Variants in CCDC59 observed in about 807,000 individuals in gnomAD.
The protein encoded by CCDC59 is coiled-coil domain containing 59.
A neutral mutation model predicts 30.5 loss-of-function variants in CCDC59; 27 were observed. That is an observed-to-expected ratio of 0.89 (90% CI 0.65 to 1.22). CCDC59 has a LOEUF of 1.22. Ranked by LOEUF, CCDC59 falls within the 50% of genes most tolerant of loss-of-function variation. The pLI is 0.00. For missense variants in CCDC59, 362 were observed against 284.4 expected (o/e 1.27, Z -1.96); for synonymous variants, 125 against 100.9 (o/e 1.24, Z -1.43).
chr12:82,356,932 A>C (rs1355544015), intron 2 of CCDC59, 28 bp downstream of exon 2: 2 of 1,541,970 alleles, frequency 1.3e-6, no homozygotes, highest in Admixed American at 3.5e-5. Context: ...ACAACACTTA[A>C]AGGATTTCAA....
intron 1 of CCDC59, among the ~76,000 whole-genome samples, chr12:82,357,859 TAAGG>T (rs937892645): frequency 6.5e-4 from 99 of 152,190 alleles, no homozygotes; most frequent in African/African-American, 2.3e-3. Flanking sequence ...GTATTTGTAA[TAAGG>T]AAGAATTCGG....
At chr12:82,356,862 T>A (rs555201322) in intron 2 of CCDC59, 98 bp downstream of exon 2, 1 of 989,398 alleles carries the variant, frequency 1.0e-6, no homozygotes, top group South Asian at 2.1e-5. Context: ...CTAAAATGTG[T>A]TAAATAAGAA....
Position 82,353,558 on chromosome 12 carries a change from G to A in CCDC59, c.565-246C>T, listed in dbSNP as rs1419560336. Among the ~76,000 whole-genome samples the A allele has an allele frequency of 2.6e-5, 4 of 151,990 alleles. No homozygotes were observed. The East Asian group carries it at 7.7e-4, about 29-fold the overall frequency. ...GCTCTATATAAACAAAATTTTAAAAGGACATTAAATGTTTTACAGCATAAT... is the reference window on the plus strand; with the variant it reads ...GCTCTATATAAACAAAATTTTAAAAAGACATTAAATGTTTTACAGCATAAT... On this transcript the variant is annotated intron_variant, in intron 3 of 3. Transcript: ENST00000256151.
intron 3 of CCDC59, among the ~76,000 whole-genome samples, chr12:82,354,018 TTG>T (rs1173531148): frequency 9.6e-5 from 4 of 41,568 alleles, no homozygotes; most frequent in East Asian, 6.9e-3. Context: ...AAAATAATAG[TTG>T]TTTTTTTTTT....
rs769263988 is a variant in CCDC59, at chr12:82,357,281, AAT to A, written c.155-14_155-13del. 28 of 1,473,026 alleles carry A rather than the reference AAT, an allele frequency of 1.9e-5. No homozygotes were observed. The highest frequency in any genetic ancestry group is 2.4e-5 in the Non-Finnish European group (27 of 1,109,832). The allele number at this position is 1,473,026 out of a possible 1,614,324, so 91.2% of individuals were successfully genotyped here. A position where few individuals can be genotyped will look rare whatever the true frequency, so the allele number is the denominator to read the frequency against. ...AGCAAAGCCTTGTCCTACATTGAGGAATATCATCCAAAATTACTTTCAGAGAA... is the reference window on the plus strand; with the variant it reads ...AGCAAAGCCTTGTCCTACATTGAGGAATCATCCAAAATTACTTTCAGAGAA... On this transcript the variant is annotated splice_polypyrimidine_tract_variant and intron_variant, in intron 1 of 3. Transcript: ENST00000256151.
intron 1 of CCDC59, 102 bp downstream of exon 1, chr12:82,358,121 G>A: frequency 1.5e-6 from 2 of 1,352,656 alleles, no homozygotes; most frequent in East Asian, 2.4e-5. Flanking sequence ...CCCCAAGTAG[G>A]ACCGGGTCTG....
upstream of CCDC59, chr12:82,358,490 T>C: frequency 6.3e-7 from 1 of 1,596,346 alleles, no homozygotes; most frequent in Non-Finnish European, 8.5e-7. Context: ...CTACTGAGCC[T>C]GCCTGTGCTA....
rs1164486305 is a variant in CCDC59, at chr12:82,356,902, T to C, written c.464+58A>G. The C allele has an allele frequency of 3.1e-6, 4 of 1,306,800 alleles. No homozygotes were observed. In the African/African-American group the frequency reaches 4.5e-5, roughly 15 times the overall value. The allele number at this position is 1,306,800 out of a possible 1,614,324, so 81.0% of individuals were successfully genotyped here. A position where few individuals can be genotyped will look rare whatever the true frequency, so the allele number is the denominator to read the frequency against. On this transcript the variant is annotated intron_variant, in intron 2 of 3. Transcript: ENST00000256151. The stretch of plus-strand genomic sequence containing the variant: ...TACAATTCCTATATAAATTATCCTA[T>C]AGTACTTTTAAATAATAAAACAACA...
At chr12:82,356,340 T>C (rs772545793) in intron 2 of CCDC59, among the ~76,000 whole-genome samples, 10 of 152,220 alleles carry the variant, frequency 6.6e-5, no homozygotes, top group Non-Finnish European at 1.2e-4. Context: ...TTAATAGTAG[T>C]AGCTAACGCT....
chr12:82,357,355 T>C lies in CCDC59; in HGVS notation c.155-86A>G, dbSNP rs1045562461. ...AGCTGTTAATTACAAATGAAAACTTTTTTTACGTCATCACATTCAGATTCT... is the reference window on the plus strand; with the variant it reads ...AGCTGTTAATTACAAATGAAAACTTCTTTTACGTCATCACATTCAGATTCT... On this transcript the variant is annotated intron_variant, in intron 1 of 3. Coordinates refer to ENST00000256151, the MANE Select transcript of CCDC59 (RefSeq NM_014167.5). 9.8e-5 allele frequency: 107 copies of C among 1,092,694 alleles called. No homozygotes were observed. In the African/African-American group the frequency reaches 1.0e-3, roughly 11 times the overall value. 67.7% of individuals were successfully genotyped at this position (1,092,694 alleles called of 1,614,324 possible). A position where few individuals can be genotyped will look rare whatever the true frequency, so the allele number is the denominator to read the frequency against.
chr12:82,358,459 G>A (rs1438969528), upstream of CCDC59: 4 of 1,602,804 alleles, frequency 2.5e-6, no homozygotes, highest in Admixed American at 1.7e-5. Context: ...CAATCGCTCA[G>A]AAGGAATCCG....
At chr12:82,354,771 A>T (rs910246971) in intron 2 of CCDC59, 177 bp from the exon 3 acceptor site, 11 of 329,966 alleles carry the variant, frequency 3.3e-5, no homozygotes, top group African/African-American at 1.1e-4. Context: ...CTAAAATGTT[A>T]AAAAAAAAAA....
At chr12:82,356,919 A>T in intron 2 of CCDC59, 41 bp downstream of exon 2, 2 of 1,463,120 alleles carry the variant, frequency 1.4e-6, no homozygotes, top group Non-Finnish European at 1.9e-6. Flanking sequence ...TTTAAATAAT[A>T]AAACAACACT....
chr12:82,353,128 T>C lies in CCDC59; in HGVS notation c.*23A>G. ...GAAGAACCTAATAGGCAGCAGATAT[T>C]TTAACCTGTAGGAACAAAATGTTTA... On this transcript the variant is annotated 3_prime_UTR_variant, in exon 4 of 4. Coordinates refer to ENST00000256151, the MANE Select transcript of CCDC59 (RefSeq NM_014167.5). 7.0e-6 allele frequency: 11 copies of C among 1,577,458 alleles called. No homozygotes were observed. Among genetic ancestry groups the C allele is most frequent in the Non-Finnish European group, 9.4e-6 (11 of 1,164,920 alleles).
chr12:82,353,866 G>A (rs1021941955), intron 3 of CCDC59, among the ~76,000 whole-genome samples: 1 of 151,988 alleles, frequency 6.6e-6, no homozygotes, highest in African/African-American at 2.4e-5. Flanking sequence ...AAACTTCAAT[G>A]GAAAAACAAG....
At chr12:82,356,181 C>G (rs1439531012) in intron 2 of CCDC59, 1 of 152,172 alleles carries the variant, frequency 6.6e-6, no homozygotes, top group African/African-American at 2.4e-5. Context: ...TAATACCCAG[C>G]TTCTTGCAAT....
chr12:82,355,593 G>C (rs1410329228), intron 2 of CCDC59: 1 of 152,166 alleles, frequency 6.6e-6, no homozygotes, highest in Non-Finnish European at 1.5e-5. Context: ...ATTTAAGATG[G>C]AAAAGGCATT....
At position 82,358,269 on chromosome 12, in the gene CCDC59, T is replaced by G. The variant is rs1881217395; in HGVS notation, c.108A>C (p.Thr36=). 1.9e-6 allele frequency: 3 copies of G among 1,614,074 alleles called. No individual in the cohort carries two copies. The highest frequency in any genetic ancestry group is 1.7e-5 in the Admixed American group (1 of 60,008). Residue 36 remains threonine, a synonymous_variant, in exon 1 of 4, where the codon ACA becomes ACC. Transcript: ENST00000256151. ...AGGCTTGCGGGTGGTTAGGCCGCCA[T>G]GTCTTCTGTCTCACATTCTTATTCC... The part of the protein sequence containing the change: ...GYRNKNVRQK[T]WRPNHPQAFV...
chr12:82,358,125 G>A (rs61934260), intron 1 of CCDC59, 98 bp downstream of exon 1: 16 of 1,384,588 alleles, frequency 1.2e-5, no homozygotes, highest in Admixed American at 7.6e-5. Context: ...AAGTAGGACC[G>A]GGTCTGGTTC....
Sources: allele counts gnomAD v4.1 joint callset (sites outside exome capture counted in the v4.1 genomes callset), GRCh38; gene constraint gnomAD v4.1.1; transcripts MANE v1.5; gene names NCBI Gene and HGNC (gene_info 2026-07-23, HGNC 2026-07-21).